The following MATCAP2 variants were observed in gnomAD, a reference collection of about 807,000 sequenced individuals.
The protein encoded by MATCAP2 is putative tyrosine carboxypeptidase MATCAP2.
At chr7:36,335,125 T>C in the MATCAP2 span, 17 of 1,613,856 alleles carry the variant, frequency 1.1e-5, no homozygotes, top group Non-Finnish European at 1.4e-5. Context: ...GACATCCATT[T>C]ACTACTGTCA....
chr7:36,325,828 A>G, the MATCAP2 span: 1 of 152,054 alleles, frequency 6.6e-6, no homozygotes. Context: ...GGCTTTATAA[A>G]CCATCAATAC....
chr7:36,365,423 G>C, the MATCAP2 span, among the ~76,000 whole-genome samples: 1 of 152,168 alleles, frequency 6.6e-6, no homozygotes, highest in African/African-American at 2.4e-5. Flanking sequence ...TGCTAGGCTG[G>C]GCACAGTGGT....
the MATCAP2 span, chr7:36,366,727 AG>A: frequency 6.5e-7 from 1 of 1,535,334 alleles, no homozygotes; most frequent in Non-Finnish European, 8.7e-7. Context: ...CGAAAGGATA[AG>A]GGGCCGATTT....
At chr7:36,368,834 C>G in the MATCAP2 span, among the ~76,000 whole-genome samples, 1 of 152,160 alleles carries the variant, frequency 6.6e-6, no homozygotes, top group Non-Finnish European at 1.5e-5. Context: ...AACTTGGAAT[C>G]CTCCCTGCGT....
At chr7:36,383,976 G>A in the MATCAP2 span, 3 of 898,872 alleles carry the variant, frequency 3.3e-6, no homozygotes, top group Admixed American at 5.9e-5. Flanking sequence ...TGTGAATTAA[G>A]TATAAATAGT....
At chr7:36,335,328 G>T in the MATCAP2 span, 1 of 759,668 alleles carries the variant, frequency 1.3e-6, no homozygotes, top group South Asian at 1.6e-5. Flanking sequence ...GGAATGTGCA[G>T]CCAAACCACC....
chr7:36,382,413 C>T, the MATCAP2 span, among the ~76,000 whole-genome samples: 2 of 150,574 alleles, frequency 1.3e-5, no homozygotes, highest in African/African-American at 2.4e-5. Context: ...ATTTAGGAAA[C>T]ACTGGCTTCT....
the MATCAP2 span, among the ~76,000 whole-genome samples, chr7:36,387,323 T>C: frequency 6.6e-6 from 1 of 152,204 alleles, no homozygotes; most frequent in African/African-American, 2.4e-5. Context: ...GAGACTTCAA[T>C]TACATGTGGG....
At chr7:36,349,534 C>T in the MATCAP2 span, among the ~76,000 whole-genome samples, 1 of 152,150 alleles carries the variant, frequency 6.6e-6, no homozygotes, top group African/African-American at 2.4e-5. Context: ...TCCACACACC[C>T]ACCCCACACC....
At chr7:36,337,145 AATCT>A in the MATCAP2 span, among the ~76,000 whole-genome samples, 3 of 146,082 alleles carry the variant, frequency 2.1e-5, no homozygotes, top group East Asian at 2.1e-4. Context: ...CTTCTGCAAC[AATCT>A]ATCTATTTTC....
At chr7:36,326,578 A>G in the MATCAP2 span, 1 of 438,342 alleles carries the variant, frequency 2.3e-6, no homozygotes, top group Non-Finnish European at 3.9e-6. Context: ...AACCTATAGA[A>G]ACATTTTAGG....
At chr7:36,379,847 C>CACACACAGAGAGAGAG in the MATCAP2 span, among the ~76,000 whole-genome samples, 10 of 107,604 alleles carry the variant, frequency 9.3e-5, no homozygotes, top group East Asian at 1.5e-3. Flanking sequence ...CACACACACA[C>CACACACAGAGAGAGAG]AGAGAGAGAG....
At chr7:36,370,878 A>G in the MATCAP2 span, among the ~76,000 whole-genome samples, 1 of 152,180 alleles carries the variant, frequency 6.6e-6, no homozygotes, top group Non-Finnish European at 1.5e-5. Flanking sequence ...ATAACCAAAA[A>G]TGCCATTGCA....
chr7:36,369,777 A>ATATATATACATG, the MATCAP2 span, among the ~76,000 whole-genome samples: 1 of 152,176 alleles, frequency 6.6e-6, no homozygotes, highest in East Asian at 1.9e-4. Context: ...ATGTGTGTAT[A>ATATATATACATG]TATATATACA....
the MATCAP2 span, among the ~76,000 whole-genome samples, chr7:36,359,155 G>T: frequency 6.6e-6 from 1 of 152,140 alleles, no homozygotes; most frequent in Non-Finnish European, 1.5e-5. Flanking sequence ...AATATAACAG[G>T]AAAGACCCTA....
At chr7:36,370,220 T>C in the MATCAP2 span, among the ~76,000 whole-genome samples, 4 of 152,238 alleles carry the variant, frequency 2.6e-5, no homozygotes, top group Admixed American at 2.6e-4. Context: ...GTGCTATGCC[T>C]GCTTAGTGTT....
the MATCAP2 span, among the ~76,000 whole-genome samples, chr7:36,385,056 A>C: frequency 1.3e-5 from 2 of 152,202 alleles, no homozygotes; most frequent in Non-Finnish European, 2.9e-5. Flanking sequence ...TTTGAAAAAG[A>C]TCCCTCTCTA....
the MATCAP2 span, chr7:36,326,657 A>C: frequency 3.0e-3 from 3,186 of 1,059,272 alleles, 8 homozygotes; most frequent in Non-Finnish European, 3.2e-3. Flanking sequence ...TTCAGAAAAC[A>C]CAAGTAGTCT....
At chr7:36,329,069 TAAAG>T in the MATCAP2 span, among the ~76,000 whole-genome samples, 1 of 152,016 alleles carries the variant, frequency 6.6e-6, no homozygotes, top group South Asian at 2.1e-4. Flanking sequence ...TAAATAAAAT[TAAAG>T]AACTCATGTT....
Sources: allele counts gnomAD v4.1 joint callset (sites outside exome capture counted in the v4.1 genomes callset), GRCh38; gene constraint gnomAD v4.1.1; transcripts MANE v1.5; gene names NCBI Gene and HGNC (gene_info 2026-07-23, HGNC 2026-07-21).